The following TRPM3 variants were observed in gnomAD, a reference collection of about 807,000 sequenced individuals.
TRPM3 encodes the protein long transient receptor potential channel 3.
A neutral mutation model predicts 181.2 loss-of-function variants in TRPM3; 77 were observed. The ratio of observed to expected loss-of-function variants is 0.42; its 90% CI spans 0.35 to 0.51. TRPM3 has a LOEUF of 0.51. Ranked by LOEUF, TRPM3 falls within the 20% of genes least tolerant of loss-of-function variation. The pLI, the probability that TRPM3 is intolerant of heterozygous loss-of-function variation, is 0.01. For synonymous variants in TRPM3, 745 were observed against 796.4 expected (o/e 0.94, Z 1.09); for missense variants, 1,759 against 2,196.7 (o/e 0.80, Z 3.98).
chr9:70,689,872 A>G (rs1423163239), intron 8 of TRPM3, among the ~76,000 whole-genome samples: 1 of 152,184 alleles, frequency 6.6e-6, no homozygotes, highest in Admixed American at 6.5e-5. Context: ...ATAACAAGAC[A>G]TAGTATATGT....
chr9:71,135,980 A>G (rs149268514), intron 1 of TRPM3, among the ~76,000 whole-genome samples: 68 of 152,334 alleles, frequency 4.5e-4, no homozygotes, highest in African/African-American at 1.5e-3. Flanking sequence ...TAAATGTATA[A>G]AGACACCATT....
chr9:70,976,122 A>G (rs1424865699), intron 1 of TRPM3, among the ~76,000 whole-genome samples: 1 of 152,170 alleles, frequency 6.6e-6, no homozygotes, highest in Non-Finnish European at 1.5e-5. Context: ...GGTGAAGATT[A>G]TCCATGGTGA....
intron 1 of TRPM3, among the ~76,000 whole-genome samples, chr9:70,867,947 C>T (rs2095688134): frequency 6.6e-6 from 1 of 152,066 alleles, no homozygotes; most frequent in Non-Finnish European, 1.5e-5. Flanking sequence ...CAACATCCAA[C>T]TCAGTTATCT....
At chr9:71,043,192 A>T (rs1373175547) in intron 1 of TRPM3, among the ~76,000 whole-genome samples, 2 of 152,148 alleles carry the variant, frequency 1.3e-5, no homozygotes, top group African/African-American at 4.8e-5. Context: ...TTCTCTCTCA[A>T]TTCCTTAGTA....
intron 1 of TRPM3, among the ~76,000 whole-genome samples, chr9:71,169,945 G>C (rs2076760779): frequency 6.9e-6 from 1 of 145,842 alleles, no homozygotes; most frequent in Admixed American, 7.0e-5. Flanking sequence ...GAGGTTCAGT[G>C]AGCCGAGATC....
chr9:70,598,412 T>C lies in TRPM3; in HGVS notation c.3048+7A>G, dbSNP rs747768690. ...CTTATAACATGGAATCAGAAGACCC[T>C]GCTTACCATTTTTCCAATCATCATT... On this transcript the variant is annotated splice_region_variant and intron_variant, in intron 21 of 25. Coordinates refer to ENST00000677713, the MANE Select transcript of TRPM3 (RefSeq NM_001366145.2). 1.9e-6 allele frequency: 3 copies of C among 1,611,674 alleles called. No individual in the cohort carries two copies. The highest frequency in any genetic ancestry group is 2.5e-6 in the Non-Finnish European group (3 of 1,177,962).
chr9:70,842,395 T>TAAA (rs71367233), intron 5 of TRPM3, among the ~76,000 whole-genome samples: 13,887 of 152,134 alleles, frequency 0.091, 992 homozygotes, highest in African/African-American at 0.2. Flanking sequence ...CATTGCATTT[T>TAAA]AAAAAATTGC....
At chr9:70,616,854 G>T (rs1442574769) in intron 17 of TRPM3, among the ~76,000 whole-genome samples, 1 of 152,118 alleles carries the variant, frequency 6.6e-6, no homozygotes, top group Non-Finnish European at 1.5e-5. Context: ...TTCTGAGAGG[G>T]CGGTCTCATT....
chr9:71,176,837 G>A (rs779164891), intron 1 of TRPM3, among the ~76,000 whole-genome samples: 26 of 152,064 alleles, frequency 1.7e-4, no homozygotes, highest in Non-Finnish European at 3.7e-4. Flanking sequence ...TTGTGTTACA[G>A]TTGCCTACAG....
intron 1 of TRPM3, among the ~76,000 whole-genome samples, chr9:71,313,394 G>C (rs1009160066): frequency 2.0e-5 from 3 of 152,046 alleles, no homozygotes; most frequent in African/African-American, 7.2e-5. Flanking sequence ...TGACCTGTCT[G>C]TTTTATAAGA....
rs569588225 is a variant in TRPM3 at position 70,553,759 on chromosome 9, T to C, written c.3224-449A>G. 3.9e-5 allele frequency among the ~76,000 whole-genome samples: 6 copies of C among 152,310 alleles called. No homozygotes were observed. In the South Asian group the frequency reaches 1.2e-3, roughly 32 times the overall value. ...TAAGAGCAGCAGCATCTCGGGACTA[T>C]TGATCGGGAATTAACAACAGGGCAG... is the stretch of plus-strand genomic sequence containing the variant. On this transcript the variant is annotated intron_variant, in intron 22 of 25. Coordinates refer to ENST00000677713, the MANE Select transcript of TRPM3 (RefSeq NM_001366145.2).
intron 6 of TRPM3, among the ~76,000 whole-genome samples, chr9:70,813,168 G>T (rs2092311211): frequency 6.6e-6 from 1 of 152,156 alleles, no homozygotes; most frequent in Non-Finnish European, 1.5e-5. Flanking sequence ...GATGCTCATT[G>T]TCTGAATTCC....
intron 6 of TRPM3, among the ~76,000 whole-genome samples, chr9:70,790,193 A>G (rs977040137): frequency 6.6e-6 from 1 of 152,210 alleles, no homozygotes; most frequent in Non-Finnish European, 1.5e-5. Flanking sequence ...TATGGGTCTG[A>G]AGGATAATCT....
intron 1 of TRPM3, among the ~76,000 whole-genome samples, chr9:71,007,093 GA>G (rs71507021): frequency 0.44 from 41,083 of 93,970 alleles, 7,424 homozygotes; most frequent in Middle Eastern, 0.54. Flanking sequence ...GTCAGGAACA[GA>G]AAAAAAAAAA....
intron 1 of TRPM3, among the ~76,000 whole-genome samples, chr9:71,251,209 G>A (rs2082323536): frequency 6.6e-6 from 1 of 152,102 alleles, no homozygotes; most frequent in South Asian, 2.1e-4. Context: ...TTTTTGACCT[G>A]CAAGTATTCC....
intron 5 of TRPM3, among the ~76,000 whole-genome samples, chr9:70,839,260 G>A (rs1476737773): frequency 6.6e-6 from 1 of 152,150 alleles, no homozygotes; most frequent in Non-Finnish European, 1.5e-5. Flanking sequence ...CTAAGTGTGA[G>A]GCTCTAAGTT....
chr9:70,847,487 C>G (rs1397613034), intron 3 of TRPM3, among the ~76,000 whole-genome samples: 1 of 150,428 alleles, frequency 6.6e-6, no homozygotes, highest in Non-Finnish European at 1.5e-5. Flanking sequence ...TAGGGAGTAC[C>G]AAAGCAGGAT....
rs149656734 is a variant in TRPM3 at position 71,130,635 on chromosome 9, A to G, written c.184-266124T>C. Among the ~76,000 whole-genome samples, 219 of 152,304 alleles carry G rather than the reference A, an allele frequency of 1.4e-3. 3 individuals are homozygous for G. Among genetic ancestry groups the G allele is most frequent in the African/African-American group, 5.0e-3 (206 of 41,562 alleles). On this transcript the variant is annotated intron_variant, in intron 1 of 24. Transcript: ENST00000357533. The stretch of plus-strand genomic sequence containing the variant: ...GAATTTGATTTATAGCAGCTTCTAA[A>G]TTGGTTAATAAATCAGATTCTGACT...
In TRPM3 at chr9:71,364,966, C is replaced by T. The variant is rs559833030; in HGVS notation, c.183+81687G>A. Among the ~76,000 whole-genome samples the T allele has an allele frequency of 7.9e-5, 12 of 152,272 alleles. No homozygotes were observed. The South Asian group carries it at 1.5e-3, about 18-fold the overall frequency. ...AAATAAGATACTATCTCATTTCTCA[C>T]TAGAATCTGCTGGTTTTAGCAATGT... On this transcript the variant is annotated intron_variant, in intron 1 of 24. Transcript: ENST00000357533.
Sources: allele counts gnomAD v4.1 joint callset (sites outside exome capture counted in the v4.1 genomes callset), GRCh38; gene constraint gnomAD v4.1.1; transcripts MANE v1.5; gene names NCBI Gene and HGNC (gene_info 2026-07-23, HGNC 2026-07-21).